PDE11A: variants seen among roughly 807,000 people sequenced by gnomAD.
PDE11A encodes the protein phosphodiesterase 11A.
Under a neutral mutation model 100.5 loss-of-function variants are expected in PDE11A, and 100 were observed. The ratio of observed to expected loss-of-function variants is 1.00; its 90% CI spans 0.85 to 1.18. The LOEUF (loss-of-function observed/expected upper bound fraction) is 1.18. PDE11A is among the 50% of genes most tolerant of loss of function. PDE11A has a pLI of 0.00. For missense variants in PDE11A, 1,141 were observed against 1,152.6 expected, an observed-to-expected ratio of 0.99 and a Z score of 0.15; for synonymous variants, 381 against 420.8, an observed-to-expected ratio of 0.91 and a Z score of 1.16.
At chr2:177,989,066 A>C (rs959713779) in intron 2 of PDE11A, among the ~76,000 whole-genome samples, 1 of 152,242 alleles carries the variant, frequency 6.6e-6, no homozygotes, top group African/African-American at 2.4e-5. Flanking sequence ...ATCCACATAC[A>C]CATGCTCAAA....
intron 9 of PDE11A, among the ~76,000 whole-genome samples, chr2:177,780,787 T>C (rs2082443693): frequency 6.6e-6 from 1 of 152,246 alleles, no homozygotes; most frequent in Non-Finnish European, 1.5e-5. Flanking sequence ...TCAGTCTTCA[T>C]AGATTTGAAG....
At chr2:177,922,690 C>A in intron 2 of PDE11A, 1 of 985,308 alleles carries the variant, frequency 1.0e-6, no homozygotes, top group Non-Finnish European at 1.2e-6. Flanking sequence ...CCCTCACCCC[C>A]ACTCCAATCC....
At chr2:177,629,756 T>C (rs886955143) in intron 19 of PDE11A, among the ~76,000 whole-genome samples, 194 bp from the exon 20 acceptor site, 3 of 152,228 alleles carry the variant, frequency 2.0e-5, no homozygotes, top group Admixed American at 2.0e-4. Context: ...TAATAGAGCC[T>C]ACTTAGAGAA....
rs769116755 is a variant in PDE11A at position 178,104,431 on chromosome 2, TC to T, written c.32del (p.Arg11LysfsTer12). 6.2e-7 allele frequency: 1 copy of T among 1,613,998 alleles called. No homozygotes were observed. Among genetic ancestry groups the T allele is most frequent in the African/African-American group, 1.3e-5 (1 of 74,934 alleles). On this transcript the variant is annotated frameshift_variant, in exon 2 of 21. Transcript: ENST00000358450. LOFTEE classifies it high-confidence loss of function. The stretch of plus-strand genomic sequence containing the variant: ...TCCACTGTGTGGCACTGAGCACATT[TC>T]TGAATAAAGGTCTTCTTGCCTGCTT...
chr2:178,032,879 C>T (rs1013874399), intron 1 of PDE11A, among the ~76,000 whole-genome samples: 7 of 151,748 alleles, frequency 4.6e-5, no homozygotes, highest in Non-Finnish European at 7.4e-5. Flanking sequence ...ACACAAAAAC[C>T]CCATCCAAAG....
intron 10 of PDE11A, among the ~76,000 whole-genome samples, chr2:177,738,282 G>T (rs963881435): frequency 6.6e-6 from 1 of 152,120 alleles, no homozygotes; most frequent in Admixed American, 6.5e-5. Flanking sequence ...CCAAGAAGAA[G>T]GTAGGTCCTT....
chr2:177,751,811 A>T (rs1448397028), intron 10 of PDE11A, among the ~76,000 whole-genome samples: 2 of 152,210 alleles, frequency 1.3e-5, no homozygotes, highest in Non-Finnish European at 2.9e-5. Context: ...CAGGCATTTA[A>T]TATTTATTGA....
At chr2:178,088,511 T>C (rs1426633156) in intron 2 of PDE11A, among the ~76,000 whole-genome samples, 1 of 152,252 alleles carries the variant, frequency 6.6e-6, no homozygotes, top group African/African-American at 2.4e-5. Flanking sequence ...AATGTTCCAC[T>C]GCTTTCTGAA....
At chr2:178,086,748 C>T (rs1487583677) in intron 2 of PDE11A, among the ~76,000 whole-genome samples, 1 of 152,216 alleles carries the variant, frequency 6.6e-6, no homozygotes, top group East Asian at 1.9e-4. Flanking sequence ...AGACAACAGT[C>T]GTTAAAAGTG....
intron 19 of PDE11A, among the ~76,000 whole-genome samples, chr2:177,643,307 GAT>G (rs2105449851): frequency 6.6e-6 from 1 of 152,316 alleles, no homozygotes; most frequent in South Asian, 2.1e-4. Context: ...TGCTGATAAT[GAT>G]ATGGACAATG....
intron 2 of PDE11A, among the ~76,000 whole-genome samples, chr2:177,963,118 G>A (rs2085656273): frequency 6.6e-6 from 1 of 152,174 alleles, no homozygotes; most frequent in South Asian, 2.1e-4. Context: ...CTGTATCTAT[G>A]TCCTTTAACT....
At chr2:177,758,043 T>G (rs1239669138) in intron 10 of PDE11A, among the ~76,000 whole-genome samples, 1 of 151,634 alleles carries the variant, frequency 6.6e-6, no homozygotes, top group Non-Finnish European at 1.5e-5. Context: ...AATCCTGTAA[T>G]CCCAGCACTT....
At chr2:177,847,827 C>T (rs2083626684) in intron 5 of PDE11A, among the ~76,000 whole-genome samples, 1 of 152,176 alleles carries the variant, frequency 6.6e-6, no homozygotes, top group African/African-American at 2.4e-5. Flanking sequence ...TAAACAGCTC[C>T]TTTTGCCTTT....
intron 19 of PDE11A, among the ~76,000 whole-genome samples, chr2:177,647,075 T>C (rs1206459864): frequency 6.6e-6 from 1 of 152,224 alleles, no homozygotes; most frequent in African/African-American, 2.4e-5. Context: ...GAATGGGGCT[T>C]CTTACAAGAG....
intron 2 of PDE11A, among the ~76,000 whole-genome samples, chr2:177,916,240 A>G (rs1353885970): frequency 6.6e-6 from 1 of 152,226 alleles, no homozygotes; most frequent in Non-Finnish European, 1.5e-5. Context: ...GAATATTACA[A>G]AATAAAGTGG....
Position 177,850,213 on chromosome 2 carries a change from C to T in PDE11A, c.1368-9830G>A, listed in dbSNP as rs141421095. On this transcript the variant is annotated intron_variant, in intron 5 of 19. Transcript: ENST00000286063. ...TATAGACCAGTGGAACAGAACAGAG[C>T]CCTCAGAAATACTACCACACATCTA... 7.3e-3 allele frequency among the ~76,000 whole-genome samples: 1,105 copies of T among 152,178 alleles called. 13 individuals carry two copies. The highest frequency in any genetic ancestry group is 0.025 in the African/African-American group (1,029 of 41,526).
At chr2:177,768,916 G>A (rs189966952) in intron 10 of PDE11A, among the ~76,000 whole-genome samples, 3 of 152,352 alleles carry the variant, frequency 2.0e-5, no homozygotes, top group African/African-American at 7.2e-5. Context: ...CTGGCACACA[G>A]CAAGCACTTA....
rs182297926 is a variant in PDE11A, at chr2:177,717,062, A to G, written c.2044-5184T>C. ...AGACTCTCTTCCTAGAACATTTTCTATAATTTTATAATATCAAAGACTATG... is the reference window on the plus strand; with the variant it reads ...AGACTCTCTTCCTAGAACATTTTCTGTAATTTTATAATATCAAAGACTATG... On this transcript the variant is annotated intron_variant, in intron 12 of 19. Coordinates refer to ENST00000286063, the MANE Select transcript of PDE11A (RefSeq NM_016953.4). 2.7e-3 allele frequency among the ~76,000 whole-genome samples: 417 copies of G among 152,340 alleles called. 7 individuals carry two copies. Among genetic ancestry groups the G allele is most frequent in the African/African-American group, 9.4e-3 (390 of 41,582 alleles).
At chr2:177,640,231 T>G (rs1447022433) in intron 19 of PDE11A, among the ~76,000 whole-genome samples, 1 of 152,234 alleles carries the variant, frequency 6.6e-6, no homozygotes, top group African/African-American at 2.4e-5. Flanking sequence ...ACTTGGAACT[T>G]ATCTTACGTA....
Sources: allele counts gnomAD v4.1 joint callset (sites outside exome capture counted in the v4.1 genomes callset), GRCh38; gene constraint gnomAD v4.1.1; transcripts MANE v1.5; gene names NCBI Gene and HGNC (gene_info 2026-07-23, HGNC 2026-07-21).